The following ATAD2B variants were observed in gnomAD, a reference collection of about 807,000 sequenced individuals.
The protein encoded by ATAD2B is ATPase family AAA domain containing 2B, also known as ATPase family AAA domain-containing protein 2B.
Under a neutral mutation model 167.6 loss-of-function variants are expected in ATAD2B, and 40 were observed. That is an observed-to-expected ratio of 0.24 (90% CI 0.19 to 0.31). ATAD2B has a LOEUF of 0.31. ATAD2B is among the 10% of genes least tolerant of loss of function. The pLI, the probability that ATAD2B is intolerant of heterozygous loss-of-function variation, is 1.00. For synonymous variants in ATAD2B, 579 were observed against 596.5 expected, an observed-to-expected ratio of 0.97 and a Z score of 0.43; for missense variants, 1,242 against 1,757.2, an observed-to-expected ratio of 0.71 and a Z score of 5.24.
At chr2:23,801,470 G>A (rs1007130568) in intron 18 of ATAD2B, among the ~76,000 whole-genome samples, 12 of 151,826 alleles carry the variant, frequency 7.9e-5, no homozygotes, top group Non-Finnish European at 1.8e-4. Context: ...ATTGGTGGAT[G>A]TGCAAGGTGT....
chr2:23,884,617 T>G (rs1222758436), intron 6 of ATAD2B, 148 bp downstream of exon 6: 1 of 436,924 alleles, frequency 2.3e-6, no homozygotes, highest in Non-Finnish European at 4.0e-6. Context: ...GATTGCCAAC[T>G]GAATTTAAAT....
chr2:23,791,908 G>T (rs2551341), intron 19 of ATAD2B, among the ~76,000 whole-genome samples: 28,132 of 151,990 alleles, frequency 0.19, 2,705 homozygotes, highest in Middle Eastern at 0.26. Flanking sequence ...GAACTTGATT[G>T]GCTGGATCAT....
At chr2:23,785,967 T>C (rs1265103602) in intron 21 of ATAD2B, 60 bp downstream of exon 21, 1 of 1,402,310 alleles carries the variant, frequency 7.1e-7, no homozygotes, top group African/African-American at 1.5e-5. Context: ...AAAAAAGATG[T>C]CAATATTTTT....
rs577832909 is a variant in ATAD2B at position 23,826,122 on chromosome 2, C to A, written c.1820-2553G>T. ...CAAAAAAAAACAGATTCCCAAGCCCCACAATAAACCCAGTGAATCAGAATC... is the reference window on the plus strand; with the variant it reads ...CAAAAAAAAACAGATTCCCAAGCCCAACAATAAACCCAGTGAATCAGAATC... On this transcript the variant is annotated intron_variant, in intron 15 of 27. Transcript: ENST00000238789. Among the ~76,000 whole-genome samples the A allele has an allele frequency of 4.6e-4, 70 of 152,060 alleles. 1 individual carries two copies. The highest frequency in any genetic ancestry group is 1.0e-4 in the Non-Finnish European group (7 of 67,984).
chr2:23,773,531 A>T (rs1476944525), intron 22 of ATAD2B, among the ~76,000 whole-genome samples: 2 of 152,288 alleles, frequency 1.3e-5, no homozygotes, highest in East Asian at 1.9e-4. Context: ...TGCGGGAGGG[A>T]AAAAAAGAAT....
the ATAD2B span, among the ~76,000 whole-genome samples, chr2:23,725,042 C>CAAAAA: frequency 8.4e-5 from 6 of 71,682 alleles, no homozygotes; most frequent in East Asian, 4.5e-4. Context: ...GACTCTGTCT[C>CAAAAA]AAAAAAAAAA....
rs1687731589 is a variant in ATAD2B at position 23,823,196 on chromosome 2, C to CTATA, written c.2131+58_2131+61dup. 1.0e-5 allele frequency: 13 copies of CTATA among 1,290,196 alleles called. No individual in the cohort carries two copies. The East Asian group carries it at 3.3e-4, about 33-fold the overall frequency. 79.9% of individuals were successfully genotyped at this position (1,290,196 alleles called of 1,614,324 possible). On this transcript the variant is annotated intron_variant, in intron 16 of 27. Transcript: ENST00000238789. ...ACACATAAATAATCTTATGAGGAAA[C>CTATA]TATATTTATTTATTCCTGTATTTGT...
At chr2:23,779,174 C>CTT (rs35835747) in intron 22 of ATAD2B, among the ~76,000 whole-genome samples, 17 of 97,396 alleles carry the variant, frequency 1.7e-4, no homozygotes, top group African/African-American at 3.8e-4. Context: ...TTTTTCTTTT[C>CTT]TTTTTTTTTT....
the ATAD2B span, among the ~76,000 whole-genome samples, chr2:23,728,687 C>T: frequency 6.6e-6 from 1 of 152,096 alleles, no homozygotes; most frequent in South Asian, 2.1e-4. Flanking sequence ...AAATTTTGAA[C>T]TCTAGTCAGT....
chr2:23,756,826 C>A (rs922555579), intron 25 of ATAD2B, among the ~76,000 whole-genome samples: 2 of 152,096 alleles, frequency 1.3e-5, no homozygotes, highest in Non-Finnish European at 2.9e-5. Context: ...TTAGTATGTG[C>A]CAGTTACCAC....
Position 23,754,354 on chromosome 2 carries a change from C to A in ATAD2B, c.4207-47G>T. ...TAAAATGTAATTTGATTTCACTGGT[C>A]AAACTGAAATTGTATATTCAAATGG... On this transcript the variant is annotated intron_variant, in intron 26 of 27. Transcript: ENST00000238789. 2.0e-6 allele frequency: 3 copies of A among 1,501,938 alleles called. No individual in the cohort carries two copies. In the South Asian group the frequency reaches 3.8e-5, roughly 19 times the overall value. The allele number at this position is 1,501,938 out of a possible 1,614,324, so 93.0% of individuals were successfully genotyped here.
chr2:23,923,899 C>A lies in ATAD2B; in HGVS notation c.216+2656G>T, dbSNP rs942821753. Reference sequence around the variant, plus strand: ...AGTGTAGTTAGTTAAGAACATGGCACAGGCTGGGCGCGGTGGCTCACGCCT... The same window carrying A: ...AGTGTAGTTAGTTAAGAACATGGCAAAGGCTGGGCGCGGTGGCTCACGCCT... On this transcript the variant is annotated intron_variant, in intron 1 of 27. Coordinates refer to ENST00000238789, the MANE Select transcript of ATAD2B (RefSeq NM_017552.4). Among the ~76,000 whole-genome samples the A allele has an allele frequency of 2.6e-5, 4 of 152,186 alleles. 1 individual carries two copies. The highest frequency in any genetic ancestry group is 5.9e-5 in the Non-Finnish European group (4 of 68,030).
intron 21 of ATAD2B, among the ~76,000 whole-genome samples, chr2:23,784,714 C>T: frequency 6.6e-6 from 1 of 151,138 alleles, no homozygotes; most frequent in East Asian, 1.9e-4. Context: ...ACACATATCA[C>T]ATTTATTTAA....
chr2:23,691,576 A>G, the ATAD2B span: 1 of 1,006,296 alleles, frequency 9.9e-7, no homozygotes, highest in Non-Finnish European at 1.5e-6. Context: ...CCTAAAACCA[A>G]GGGCATGACC....
intron 15 of ATAD2B, among the ~76,000 whole-genome samples, chr2:23,828,446 A>G (rs1177552154): frequency 6.6e-6 from 1 of 152,204 alleles, no homozygotes; most frequent in Non-Finnish European, 1.5e-5. Flanking sequence ...GAATGAAAAT[A>G]AGCCCGTTGT....
chr2:23,769,104 C>G (rs1338085849), intron 22 of ATAD2B, among the ~76,000 whole-genome samples: 2 of 152,122 alleles, frequency 1.3e-5, no homozygotes, highest in African/African-American at 2.4e-5. Flanking sequence ...GACCCCATCT[C>G]CCCTTGGATA....
At chr2:23,862,880 G>A (rs990970127) in intron 12 of ATAD2B, among the ~76,000 whole-genome samples, 4 of 152,102 alleles carry the variant, frequency 2.6e-5, no homozygotes, top group African/African-American at 9.7e-5. Context: ...ATACCTCGCA[G>A]CCACCTCAAT....
chr2:23,867,978 A>AC, intron 9 of ATAD2B, 32 bp from the exon 10 acceptor site: 1 of 1,439,314 alleles, frequency 6.9e-7, no homozygotes, highest in Non-Finnish European at 9.7e-7. Flanking sequence ...GTAAAGTTGC[A>AC]TTAAAAGTTT....
intron 6 of ATAD2B, among the ~76,000 whole-genome samples, chr2:23,882,119 G>C (rs1317521095): frequency 1.3e-5 from 2 of 152,206 alleles, no homozygotes; most frequent in African/African-American, 2.4e-5. Flanking sequence ...CAAATACTTA[G>C]GAGGCTAAGG....
Sources: gnomAD v4.1 joint callset for allele counts (sites outside exome capture counted in the v4.1 genomes callset) on GRCh38, gnomAD v4.1.1 for gene constraint, MANE v1.5 for transcripts, NCBI Gene and HGNC (gene_info 2026-07-23, HGNC 2026-07-21) for gene names.